The following DNAJC3 variants were observed in gnomAD, a reference collection of about 807,000 sequenced individuals.
The protein encoded by DNAJC3 is DnaJ heat shock protein family (Hsp40) member C3.
A neutral mutation model predicts 68.6 loss-of-function variants in DNAJC3; 38 were observed. The observed-to-expected ratio is 0.55, with a 90% CI of 0.43 to 0.73. DNAJC3 has a LOEUF of 0.73. Ranked by LOEUF, DNAJC3 falls within the 30% of genes least tolerant of loss-of-function variation. The probability of loss-of-function intolerance (pLI) is 0.00; values close to 1 mark genes in which losing one functional copy is unlikely to be tolerated. For synonymous variants in DNAJC3, 203 were observed against 204.0 expected (o/e 1.00, Z 0.04); for missense variants, 526 against 591.9 (o/e 0.89, Z 1.16).
At chr13:95,755,197 G>C (rs954924432) in intron 4 of DNAJC3, among the ~76,000 whole-genome samples, 2 of 152,058 alleles carry the variant, frequency 1.3e-5, no homozygotes, top group Non-Finnish European at 2.9e-5. Flanking sequence ...GTGTAATCCC[G>C]TGCTTTGGAA....
chr13:95,749,566 G>A (rs1035267204), intron 4 of DNAJC3, among the ~76,000 whole-genome samples: 6 of 152,088 alleles, frequency 3.9e-5, no homozygotes, highest in Non-Finnish European at 5.9e-5. Flanking sequence ...AGATTGATGG[G>A]GAGGGATAGC....
At chr13:95,745,009 G>A (rs759114652) in intron 4 of DNAJC3, 8 of 152,184 alleles carry the variant, frequency 5.3e-5, no homozygotes, top group Non-Finnish European at 1.2e-4. Flanking sequence ...CTGGCATTAA[G>A]TATTACGAGA....
At chr13:95,698,189 A>C (rs1035954941) in intron 1 of DNAJC3, among the ~76,000 whole-genome samples, 3 of 151,252 alleles carry the variant, frequency 2.0e-5, no homozygotes, top group South Asian at 2.1e-4. Context: ...AGCCTTGTGT[A>C]CTTTTGTTGG....
chr13:95,690,397 A>T (rs1242463820), intron 1 of DNAJC3, among the ~76,000 whole-genome samples: 2 of 151,284 alleles, frequency 1.3e-5, no homozygotes, highest in African/African-American at 2.5e-5. Context: ...TTCTACACAG[A>T]CACGGCAACC....
intron 2 of DNAJC3, among the ~76,000 whole-genome samples, chr13:95,718,791 G>A (rs966165287): frequency 2.0e-5 from 3 of 152,118 alleles, no homozygotes; most frequent in Non-Finnish European, 4.4e-5. Flanking sequence ...TATTCTCCCC[G>A]TGCAGAATTC....
intron 1 of DNAJC3, among the ~76,000 whole-genome samples, chr13:95,680,749 G>T (rs1879889486): frequency 6.6e-6 from 1 of 151,400 alleles, no homozygotes; most frequent in South Asian, 2.1e-4. Context: ...CCCATATGAA[G>T]TTAATTAATT....
Position 95,785,629 on chromosome 13 carries a change from TTG to T in DNAJC3, c.1076-306_1076-305del, listed in dbSNP as rs988525585. 6.6e-5 allele frequency among the ~76,000 whole-genome samples: 10 copies of T among 150,786 alleles called. No individual in the cohort carries two copies. In the South Asian group the frequency reaches 8.4e-4, roughly 13 times the overall value. ...GTGCACCACCATGCCCGGCTAATTT[TTG>T]TGTTTTTTTTTTTAGTAGAGACGGG... On this transcript the variant is annotated intron_variant, in intron 9 of 11. Coordinates refer to ENST00000602402, the MANE Select transcript of DNAJC3 (RefSeq NM_006260.5).
chr13:95,702,299 C>T (rs186373756), intron 1 of DNAJC3, among the ~76,000 whole-genome samples: 1 of 147,166 alleles, frequency 6.8e-6, no homozygotes, highest in African/African-American at 2.7e-5. Flanking sequence ...TGATTTTCTT[C>T]TGTAATGTCC....
At chr13:95,681,268 A>G (rs948741069) in intron 1 of DNAJC3, among the ~76,000 whole-genome samples, 1 of 152,242 alleles carries the variant, frequency 6.6e-6, no homozygotes, top group Non-Finnish European at 1.5e-5. Flanking sequence ...CAACTTGGCC[A>G]ACTGTTTTTA....
chr13:95,684,133 C>T (rs768483596), intron 1 of DNAJC3, among the ~76,000 whole-genome samples: 3 of 151,982 alleles, frequency 2.0e-5, no homozygotes, highest in Non-Finnish European at 2.9e-5. Context: ...GGAAGAGGAA[C>T]GAAAGTTTGA....
At chr13:95,688,993 A>G (rs1880151761) in intron 1 of DNAJC3, among the ~76,000 whole-genome samples, 1 of 147,696 alleles carries the variant, frequency 6.8e-6, no homozygotes, top group South Asian at 2.1e-4. Flanking sequence ...GTTTGCTAGT[A>G]TTTTGTTGCA....
intron 11 of DNAJC3, among the ~76,000 whole-genome samples, chr13:95,788,508 ACT>A (rs1370223157): frequency 6.6e-6 from 1 of 152,224 alleles, no homozygotes; most frequent in African/African-American, 2.4e-5. Context: ...AAAGTTTTTT[ACT>A]ATGCATATAT....
intron 2 of DNAJC3, among the ~76,000 whole-genome samples, chr13:95,710,233 CTTTT>C (rs66976007): frequency 1.5e-5 from 2 of 130,978 alleles, no homozygotes. Context: ...CTTTTCTTTT[CTTTT>C]TTTTTTTTTT....
Position 95,793,913 on chromosome 13 carries a change from G to A in DNAJC3, c.*2883G>A, listed in dbSNP as rs1238111830. On this transcript the variant is annotated 3_prime_UTR_variant, in exon 12 of 12. Coordinates refer to ENST00000602402, the MANE Select transcript of DNAJC3 (RefSeq NM_006260.5). ...TACTTTGTGGATATTTTGCCCAGCA[G>A]GAAGTATTAGACACATCAGTCTAGA... is the stretch of plus-strand genomic sequence containing the variant. The A allele has an allele frequency of 6.6e-6, 1 of 152,140 alleles. No individual in the cohort carries two copies. The highest frequency in any genetic ancestry group is 6.5e-5 in the Admixed American group (1 of 15,278). 9.4% of individuals were successfully genotyped at this position (152,140 alleles called of 1,614,324 possible).
chr13:95,787,267 G>A, intron 11 of DNAJC3, 112 bp downstream of exon 11: 1 of 1,369,968 alleles, frequency 7.3e-7, no homozygotes, highest in Admixed American at 2.4e-5. Context: ...CGGGTCCTGA[G>A]CCCAGTTCCA....
At chr13:95,704,515 G>A (rs1294208140) in intron 1 of DNAJC3, among the ~76,000 whole-genome samples, 2 of 152,308 alleles carry the variant, frequency 1.3e-5, no homozygotes, top group South Asian at 2.1e-4. Flanking sequence ...TGAGCACATT[G>A]TCCACCTCTT....
intron 1 of DNAJC3, chr13:95,694,608 A>G (rs1880377661): frequency 6.6e-6 from 1 of 152,656 alleles, no homozygotes; most frequent in Non-Finnish European, 1.5e-5. Context: ...AATTAAAATT[A>G]TAAATTATTC....
At chr13:95,779,486 T>G (rs1883391217) in intron 9 of DNAJC3, among the ~76,000 whole-genome samples, 1 of 152,196 alleles carries the variant, frequency 6.6e-6, no homozygotes, top group Non-Finnish European at 1.5e-5. Context: ...CTAGAACATT[T>G]TTATTTTTGT....
At chr13:95,742,684 T>A (rs1429878265) in intron 4 of DNAJC3, 1 of 518,994 alleles carries the variant, frequency 1.9e-6, no homozygotes, top group Admixed American at 1.9e-5. Flanking sequence ...TCCTAGATGA[T>A]CTATACTTGC....
Sources: gnomAD v4.1 joint callset for allele counts (sites outside exome capture counted in the v4.1 genomes callset) on GRCh38, gnomAD v4.1.1 for gene constraint, MANE v1.5 for transcripts, NCBI Gene and HGNC (gene_info 2026-07-23, HGNC 2026-07-21) for gene names.